Variants in NOSIP observed in about 807,000 individuals in gnomAD.
The protein encoded by NOSIP is nitric oxide synthase interacting protein.
Under a neutral mutation model 36.4 loss-of-function variants are expected in NOSIP, and 25 were observed. The observed-to-expected ratio is 0.69, with a 90% CI of 0.50 to 0.96. NOSIP has a LOEUF of 0.96. NOSIP is among the 40% of genes least tolerant of loss of function. The probability of loss-of-function intolerance (pLI) is 0.00; values close to 1 mark genes in which losing one functional copy is unlikely to be tolerated. For missense variants in NOSIP, 370 were observed against 429.0 expected (o/e 0.86, Z 1.21); for synonymous variants, 187 against 179.2 (o/e 1.04, Z -0.35).
chr19:49,570,012 G>A (rs1307826285), intron 1 of NOSIP, among the ~76,000 whole-genome samples: 1 of 151,920 alleles, frequency 6.6e-6, no homozygotes, highest in African/African-American at 2.4e-5. Flanking sequence ...GGGAGGCTGA[G>A]GCACAAGAAT....
chr19:49,573,613 C>A (rs532734480), intron 1 of NOSIP, among the ~76,000 whole-genome samples: 1 of 152,184 alleles, frequency 6.6e-6, no homozygotes, highest in Non-Finnish European at 1.5e-5. Flanking sequence ...GACATCATGC[C>A]ATTAATACAC....
intron 1 of NOSIP, among the ~76,000 whole-genome samples, chr19:49,564,224 G>A (rs1182306521): frequency 6.6e-6 from 1 of 151,952 alleles, no homozygotes; most frequent in Non-Finnish European, 1.5e-5. Context: ...AGGCTGAAGC[G>A]GGCAGATCAC....
chr19:49,577,312 A>G (rs2080566237), intron 1 of NOSIP, among the ~76,000 whole-genome samples: 1 of 152,180 alleles, frequency 6.6e-6, no homozygotes, highest in Non-Finnish European at 1.5e-5. Context: ...TAATCCCAGC[A>G]CTTTGGGAGG....
rs1422868156 is a variant in NOSIP, at chr19:49,555,839, G to A, written c.835-17C>T. 3.7e-6 allele frequency: 6 copies of A among 1,608,990 alleles called. No homozygotes were observed. Among genetic ancestry groups the A allele is most frequent in the Non-Finnish European group, 4.3e-6 (5 of 1,176,016 alleles). ...GGTACCGCCCTGGGGGAGGTAGAGA[G>A]AAGGACGAGGTAGAGGCCGGCCCGG... is the stretch of plus-strand genomic sequence containing the variant. On this transcript the variant is annotated splice_polypyrimidine_tract_variant and intron_variant, in intron 8 of 8. Coordinates refer to ENST00000596358, the MANE Select transcript of NOSIP (RefSeq NM_001270960.2).
In NOSIP at chr19:49,556,885, AGCTTGGTG is replaced by A; in HGVS notation, c.519_526del (p.Thr174GlyfsTer178). The A allele has an allele frequency of 6.2e-7, 1 of 1,612,860 alleles. No homozygotes were observed. The highest frequency in any genetic ancestry group is 8.5e-7 in the Non-Finnish European group (1 of 1,179,398). On this transcript the variant is annotated frameshift_variant, in exon 6 of 9. Coordinates refer to ENST00000596358, the MANE Select transcript of NOSIP (RefSeq NM_001270960.2). LOFTEE classifies it high-confidence loss of function. ...GCTGTGGGGGCTCACCGGCTTCTCC[AGCTTGGTG>A]GCCTTGGCTTCGGGCGTCAGCGACG...
intron 4 of NOSIP, 119 bp downstream of exon 4, chr19:49,558,778 A>C: frequency 1.2e-6 from 1 of 826,676 alleles, no homozygotes. Flanking sequence ...GAAGCAGGGG[A>C]GGGGAATGGT....
At chr19:49,564,599 C>G (rs776003625) in intron 1 of NOSIP, among the ~76,000 whole-genome samples, 2 of 151,930 alleles carry the variant, frequency 1.3e-5, no homozygotes, top group Non-Finnish European at 1.5e-5. Flanking sequence ...GGAGTGCAGA[C>G]CAGCACAACC....
At position 49,555,713 on chromosome 19, in the gene NOSIP, G is replaced by A; in HGVS notation, c.*38C>T. 1.9e-6 allele frequency: 3 copies of A among 1,583,560 alleles called. No individual in the cohort carries two copies. The highest frequency in any genetic ancestry group is 1.1e-5 in the South Asian group (1 of 90,248). ...CCGCGAATGAAGGCGCCACGTCGTT[G>A]CGCACCCAAGCCGGTTTATTTGGTC... is the stretch of plus-strand genomic sequence containing the variant. On this transcript the variant is annotated 3_prime_UTR_variant, in exon 9 of 9. Transcript: ENST00000596358.
chr19:49,570,376 C>A (rs569943136), intron 1 of NOSIP, among the ~76,000 whole-genome samples: 48 of 152,242 alleles, frequency 3.2e-4, no homozygotes, highest in Admixed American at 2.3e-3. Flanking sequence ...TCTCTCTCCC[C>A]CTACTGGCGT....
At chr19:49,564,861 C>T (rs989371895) in intron 1 of NOSIP, among the ~76,000 whole-genome samples, 1 of 152,104 alleles carries the variant, frequency 6.6e-6, no homozygotes, top group African/African-American at 2.4e-5. Flanking sequence ...ACTGTCATAC[C>T]CATAGTATAG....
At position 49,557,794 on chromosome 19, in the gene NOSIP, C is replaced by T. The variant is rs75175380; in HGVS notation, c.259-545G>A. 4.9e-3 allele frequency: 4,839 copies of T among 988,366 alleles called. 159 individuals carry two copies. The African/African-American group carries it at 0.072, about 15-fold the overall frequency. 61.2% of individuals were successfully genotyped at this position (988,366 alleles called of 1,614,324 possible). On this transcript the variant is annotated intron_variant, in intron 4 of 8. Transcript: ENST00000596358. ...ATGACCTGAGCTCAGCCCTGCCTGG[C>T]GCACAGCAGTTGCCTGGGCGGTGCT...
intron 1 of NOSIP, 25 bp downstream of exon 1, chr19:49,580,488 ACT>A (rs1345014134): frequency 2.0e-5 from 3 of 151,364 alleles, no homozygotes; most frequent in African/African-American, 7.3e-5. Context: ...TCCCAGCAAC[ACT>A]CTTCCTGCAC....
At chr19:49,578,904 T>C (rs2080588536) in intron 1 of NOSIP, among the ~76,000 whole-genome samples, 1 of 151,504 alleles carries the variant, frequency 6.6e-6, no homozygotes, top group African/African-American at 2.4e-5. Flanking sequence ...ATTACAGGCA[T>C]GAGCCACTGT....
At chr19:49,578,582 G>A (rs142755455) in intron 1 of NOSIP, among the ~76,000 whole-genome samples, 1 of 152,180 alleles carries the variant, frequency 6.6e-6, no homozygotes, top group Non-Finnish European at 1.5e-5. Flanking sequence ...AAGGCAGGAG[G>A]ATCGCTTAAG....
intron 1 of NOSIP, among the ~76,000 whole-genome samples, chr19:49,573,657 G>A (rs980143165): frequency 6.6e-6 from 1 of 152,104 alleles, no homozygotes; most frequent in Non-Finnish European, 1.5e-5. Flanking sequence ...AATCACAGAA[G>A]CACTGGAAGA....
chr19:49,575,056 G>A (rs2080533964), intron 1 of NOSIP, among the ~76,000 whole-genome samples: 1 of 151,966 alleles, frequency 6.6e-6, no homozygotes, highest in Non-Finnish European at 1.5e-5. Context: ...GTAGAGAGGG[G>A]GTTTCACCAC....
Position 49,560,089 on chromosome 19 carries a change from A to T in NOSIP, c.71-50T>A. The stretch of plus-strand genomic sequence containing the variant: ...ATGGAGGGGCGGAGCAACAGGAGAC[A>T]TGTCCGTCTCCAAAGCCCCAGAGAG... On this transcript the variant is annotated intron_variant, in intron 2 of 8. Coordinates refer to ENST00000596358, the MANE Select transcript of NOSIP (RefSeq NM_001270960.2). This position sits in a 1 kb window ranked among gnomAD's most constrained non-coding sequence, Gnocchi z 4.6. 1 of 1,236,918 alleles carries T rather than the reference A, an allele frequency of 8.1e-7. No homozygotes were observed. Among genetic ancestry groups the T allele is most frequent in the Non-Finnish European group, 1.2e-6 (1 of 855,102 alleles). The allele number at this position is 1,236,918 out of a possible 1,614,324, so 76.6% of individuals were successfully genotyped here.
rs147853428 is a variant in NOSIP at position 49,556,602 on chromosome 19, G to C, written c.672C>G (p.Ala224=). The C allele has an allele frequency of 7.5e-6, 12 of 1,606,978 alleles. No homozygotes were observed. Among genetic ancestry groups the C allele is most frequent in the Non-Finnish European group, 8.5e-6 (10 of 1,179,642 alleles). Residue 224 remains alanine (A), a synonymous_variant, in exon 7 of 9, where the codon GCC becomes GCG. Transcript: ENST00000596358. The part of the protein sequence containing the change: ...LITRSERYVC[A]VTRDSLSNAT... Reference sequence around the variant, plus strand: ...CGTTGCTCAGGCTGTCGCGGGTCACGGCACACACGTAGCGCTCGCTGCGGG... The same window carrying C: ...CGTTGCTCAGGCTGTCGCGGGTCACCGCACACACGTAGCGCTCGCTGCGGG...
At chr19:49,557,287 G>A in intron 4 of NOSIP, 38 bp from the exon 5 acceptor site, 2 of 1,535,104 alleles carry the variant, frequency 1.3e-6, no homozygotes, top group South Asian at 2.4e-5. Flanking sequence ...CTGCCCGTGG[G>A]GCTGGGGGTA....
Sources: allele counts gnomAD v4.1 joint callset (sites outside exome capture counted in the v4.1 genomes callset), GRCh38; gene constraint gnomAD v4.1.1; non-coding constraint Gnocchi (gnomAD v3.1); transcripts MANE v1.5; gene names NCBI Gene and HGNC (gene_info 2026-07-23, HGNC 2026-07-21).